CACNB2: variants seen among roughly 807,000 people sequenced by gnomAD.
The protein encoded by CACNB2 is calcium voltage-gated channel auxiliary subunit beta 2, also known as voltage-dependent L-type calcium channel subunit beta-2.
A neutral mutation model predicts 73.3 loss-of-function variants in CACNB2; 42 were observed. The observed-to-expected ratio is 0.57, with a 90% CI of 0.45 to 0.74. The LOEUF (loss-of-function observed/expected upper bound fraction) is 0.74. CACNB2 is among the 30% of genes least tolerant of loss of function. CACNB2 has a pLI of 0.00. For missense variants in CACNB2, 940 were observed against 853.0 expected, an observed-to-expected ratio of 1.10 and a Z score of -1.27; for synonymous variants, 348 against 310.3, an observed-to-expected ratio of 1.12 and a Z score of -1.28.
chr10:18,229,867 A>G (rs1020617771), intron 2 of CACNB2, among the ~76,000 whole-genome samples: 1 of 152,226 alleles, frequency 6.6e-6, no homozygotes, highest in South Asian at 2.1e-4. Context: ...GTAAAATTAC[A>G]TATGGCATTA....
intron 2 of CACNB2, among the ~76,000 whole-genome samples, chr10:18,191,754 G>A (rs946474678): frequency 1.3e-5 from 2 of 152,164 alleles, no homozygotes; most frequent in Non-Finnish European, 2.9e-5. Flanking sequence ...CCAGGTCACT[G>A]CAAATGCTGT....
chr10:18,427,089 G>A (rs1332477588), intron 3 of CACNB2, among the ~76,000 whole-genome samples: 1 of 150,586 alleles, frequency 6.6e-6, no homozygotes, highest in African/African-American at 2.4e-5. Context: ...CCTAGTAGCT[G>A]GGATTACAGG....
intron 2 of CACNB2, among the ~76,000 whole-genome samples, chr10:18,299,711 A>AAAAAAT (rs1042466043): frequency 2.6e-5 from 4 of 152,168 alleles, no homozygotes; most frequent in African/African-American, 9.7e-5. Flanking sequence ...ACCCTGTCTC[A>AAAAAAT]AAAAATAAAA....
intron 2 of CACNB2, among the ~76,000 whole-genome samples, chr10:18,356,519 A>G (rs549617628): frequency 6.6e-6 from 1 of 152,180 alleles, no homozygotes; most frequent in South Asian, 2.1e-4. Flanking sequence ...TTTCCTGACT[A>G]CATTGCACAA....
At chr10:18,293,605 A>G (rs2039156957) in intron 2 of CACNB2, among the ~76,000 whole-genome samples, 1 of 152,162 alleles carries the variant, frequency 6.6e-6, no homozygotes, top group Admixed American at 6.5e-5. Flanking sequence ...TATTTTTTGA[A>G]AAGTTCAAGT....
chr10:18,266,616 C>T (rs898958583), intron 2 of CACNB2, among the ~76,000 whole-genome samples: 3 of 151,920 alleles, frequency 2.0e-5, no homozygotes, highest in Admixed American at 1.3e-4. Flanking sequence ...GGGCCGGGCA[C>T]GGTGGCTCAC....
intron 3 of CACNB2, among the ~76,000 whole-genome samples, chr10:18,465,439 G>GA (rs1393407346): frequency 6.6e-6 from 1 of 152,096 alleles, no homozygotes; most frequent in Admixed American, 6.6e-5. Flanking sequence ...AATCACCTGG[G>GA]AAAAAATGTA....
chr10:18,497,494 A>T (rs552622109), intron 3 of CACNB2, among the ~76,000 whole-genome samples: 1 of 152,202 alleles, frequency 6.6e-6, no homozygotes, highest in African/African-American at 2.4e-5. Context: ...ATCATGGCTC[A>T]CTGCAGCATA....
chr10:18,240,371 C>T lies in CACNB2; in HGVS notation c.213+89396C>T, dbSNP rs560887060. Among the ~76,000 whole-genome samples the T allele has an allele frequency of 8.5e-4, 129 of 152,122 alleles. 1 individual carries two copies. The highest frequency in any genetic ancestry group is 1.0e-3 in the Non-Finnish European group (71 of 68,026). On this transcript the variant is annotated intron_variant, in intron 2 of 13. Transcript: ENST00000324631. ...TAAAGTCTCATGCAGGTTGTGGATT[C>T]GGTTCCAAGCAGCGTGGTATGTGAT...
chr10:18,518,765 C>A, intron 8 of CACNB2, 145 bp from the exon 9 acceptor site: 1 of 723,160 alleles, frequency 1.4e-6, no homozygotes, highest in Non-Finnish European at 2.4e-6. Flanking sequence ...AACTCAGAAG[C>A]AGAAAAATGC....
At chr10:18,454,341 C>T (rs2047162379) in intron 3 of CACNB2, among the ~76,000 whole-genome samples, 1 of 152,174 alleles carries the variant, frequency 6.6e-6, no homozygotes, top group African/African-American at 2.4e-5. Context: ...CGTTTTTCAA[C>T]CTTTGTCATT....
intron 2 of CACNB2, among the ~76,000 whole-genome samples, chr10:18,289,397 C>CCATT (rs1299526129): frequency 6.7e-6 from 1 of 149,204 alleles, no homozygotes; most frequent in Non-Finnish European, 1.5e-5. Context: ...CGGGTTCATG[C>CCATT]CATTCTCCTG....
intron 3 of CACNB2, among the ~76,000 whole-genome samples, chr10:18,497,390 T>G (rs932228194): frequency 1.1e-4 from 17 of 152,218 alleles, no homozygotes; most frequent in Non-Finnish European, 2.4e-4. Flanking sequence ...AGAGAATAAA[T>G]GCTTATCTGT....
chr10:18,417,887 A>G (rs572448118), intron 3 of CACNB2, among the ~76,000 whole-genome samples: 2 of 152,036 alleles, frequency 1.3e-5, no homozygotes, highest in South Asian at 4.2e-4. Flanking sequence ...ACGATTTAAA[A>G]AAAGATTTTA....
chr10:18,413,648 C>T (rs1050844498), intron 3 of CACNB2, among the ~76,000 whole-genome samples: 1 of 152,192 alleles, frequency 6.6e-6, no homozygotes, highest in Non-Finnish European at 1.5e-5. Flanking sequence ...ATTGCAGGGG[C>T]AGGGGTCATG....
At chr10:18,144,068 T>G (rs1420556537) in intron 1 of CACNB2, among the ~76,000 whole-genome samples, 1 of 151,262 alleles carries the variant, frequency 6.6e-6, no homozygotes, top group Non-Finnish European at 1.5e-5. Context: ...TTTTGTTTTG[T>G]TTTTGTTTTT....
intron 2 of CACNB2, among the ~76,000 whole-genome samples, chr10:18,288,783 A>T (rs1042744684): frequency 6.6e-6 from 1 of 151,968 alleles, no homozygotes; most frequent in African/African-American, 2.4e-5. Context: ...GGTGCCTCAC[A>T]CCTATAATCC....
chr10:18,402,021 A>G lies in CACNB2; in HGVS notation c.311A>G (p.Gln104Arg). ...AVRREAERQA[Q>R]AQLEKAKTKP... ...CGCAGAGAAGCGGAGCGGCAGGCCC[A>G]GGCACAGTTGGAAAAAGCAAAGGTA... The change falls in exon 3 of 14, where the codon CAG (glutamine) becomes CGG (arginine). Residue 104 changes from glutamine to arginine, a missense_variant. Gln to Arg is a conservative substitution (Grantham distance 43). Transcript: ENST00000324631. 1 of 1,614,034 alleles carries G rather than the reference A, an allele frequency of 6.2e-7. No individual in the cohort carries two copies.
intron 2 of CACNB2, among the ~76,000 whole-genome samples, chr10:18,222,915 C>T (rs7917760): frequency 0.62 from 94,431 of 151,940 alleles, 30,413 homozygotes; most frequent in Non-Finnish European, 0.71. Flanking sequence ...CCAGCCTGGG[C>T]GACAGAGTGA....
Sources: allele counts gnomAD v4.1 joint callset (sites outside exome capture counted in the v4.1 genomes callset), GRCh38; gene constraint gnomAD v4.1.1; transcripts MANE v1.5; gene names NCBI Gene and HGNC (gene_info 2026-07-23, HGNC 2026-07-21).